DRC1: variants seen among roughly 807,000 people sequenced by gnomAD.
DRC1 encodes dynein regulatory complex subunit 1, also known as dynein regulatory complex protein 1.
In DRC1, 74 loss-of-function variants were observed where a neutral mutation model predicts 98.7. That is an observed-to-expected ratio of 0.75 (90% CI 0.62 to 0.91). The LOEUF is 0.91. Among genes scored for constraint, DRC1 ranks in the 40% least tolerant of loss-of-function variants. DRC1 has a pLI of 0.00. For missense variants in DRC1, 875 were observed against 886.0 expected (o/e 0.99, Z 0.16); for synonymous variants, 336 against 334.1 (o/e 1.01, Z -0.06).
intron 1 of DRC1, among the ~76,000 whole-genome samples, chr2:26,403,933 C>G (rs992227767): frequency 1.3e-5 from 2 of 150,932 alleles, no homozygotes; most frequent in African/African-American, 4.9e-5. Context: ...AACCCTGTCT[C>G]TATTAAAAAT....
rs763415203 is a variant in DRC1 at position 26,450,055 on chromosome 2, C to G, written c.1569C>G (p.Cys523Trp). ...SLLLPLEQNECYLLRLDAIFS... is the reference protein window; with the variant it reads ...SLLLPLEQNEWYLLRLDAIFS... ...TCCTGCCCCTGGAGCAGAATGAATG[C>G]TATCTGCTGAGGCTGGATGCCATCT... Residue 523 changes from cysteine to tryptophan, a missense_variant, in exon 12 of 17, where the codon TGC (cysteine) becomes TGG (tryptophan). Transcript: ENST00000288710. 6.2e-6 allele frequency: 10 copies of G among 1,613,732 alleles called. No individual in the cohort carries two copies. The highest frequency in any genetic ancestry group is 8.5e-6 in the Non-Finnish European group (10 of 1,179,926).
At chr2:26,418,557 T>A (rs1335233382) in intron 2 of DRC1, among the ~76,000 whole-genome samples, 25 of 94,904 alleles carry the variant, frequency 2.6e-4, no homozygotes, top group Middle Eastern at 4.6e-3. Flanking sequence ...TTATATATAA[T>A]TTATATATAA....
At chr2:26,440,663 T>G in intron 8 of DRC1, 146 bp downstream of exon 8, 1 of 1,082,358 alleles carries the variant, frequency 9.2e-7, no homozygotes, top group Non-Finnish European at 1.2e-6. Context: ...AGTTAATACA[T>G]TCAATCTCTC....
chr2:26,444,408 G>A (rs1663798202), intron 9 of DRC1, 52 bp downstream of exon 9: 3 of 1,585,782 alleles, frequency 1.9e-6, no homozygotes, highest in Admixed American at 3.8e-5. Flanking sequence ...GAGGTGACGG[G>A]GATGGAGTTT....
chr2:26,406,323 G>A (rs867000662), intron 1 of DRC1, among the ~76,000 whole-genome samples: 2 of 152,158 alleles, frequency 1.3e-5, no homozygotes, highest in Non-Finnish European at 2.9e-5. Flanking sequence ...CCCACCCCTC[G>A]GTTGCCTGTG....
intron 1 of DRC1, among the ~76,000 whole-genome samples, chr2:26,408,176 A>G (rs1678483822): frequency 6.6e-6 from 1 of 152,218 alleles, no homozygotes; most frequent in Non-Finnish European, 1.5e-5. Context: ...AAATAAGGAC[A>G]ACCGATTGGA....
intron 10 of DRC1, among the ~76,000 whole-genome samples, chr2:26,446,738 G>A (rs1663861915): frequency 6.6e-6 from 1 of 152,110 alleles, no homozygotes; most frequent in African/African-American, 2.4e-5. Flanking sequence ...ACTGTTTTAT[G>A]GTTCCTTTTA....
chr2:26,403,839 G>T (rs1261325584), intron 1 of DRC1, among the ~76,000 whole-genome samples: 1 of 149,186 alleles, frequency 6.7e-6, no homozygotes, highest in African/African-American at 2.5e-5. Context: ...AGTGGCTCAT[G>T]CCTGTAATCC....
intron 8 of DRC1, among the ~76,000 whole-genome samples, chr2:26,441,486 A>G (rs1252656941): frequency 1.3e-5 from 2 of 152,138 alleles, no homozygotes; most frequent in East Asian, 3.8e-4. Flanking sequence ...TTCCCACTAT[A>G]TATGCACCGT....
chr2:26,404,138 G>A (rs557299853), intron 1 of DRC1, among the ~76,000 whole-genome samples: 3 of 152,174 alleles, frequency 2.0e-5, no homozygotes, highest in South Asian at 2.1e-4. Flanking sequence ...TTGCCTGGAA[G>A]CCATACAAAA....
Position 26,448,693 on chromosome 2 carries a change from G to C in DRC1, c.1399G>C (p.Glu467Gln), listed in dbSNP as rs149007147. The C allele has an allele frequency of 3.0e-4, 482 of 1,613,996 alleles. No homozygotes were observed. The highest frequency in any genetic ancestry group is 3.6e-4 in the Non-Finnish European group (429 of 1,179,938). ...TCCTCCCCATGACCCAACTGCAGAA[G>C]AGGAGGAGGCAGAAGAGGCCGCCGC... The part of the protein sequence containing the change: ...IVEEMLMRSE[E>Q]EEAEEAAAEP... The change falls in exon 11 of 17, where the codon GAG (glutamate) becomes CAG (glutamine). Residue 467 changes from glutamate (E) to glutamine (Q), a missense_variant and splice_region_variant. Transcript: ENST00000288710.
rs75261398 is a variant in DRC1, at chr2:26,439,198, C to G, written c.889-1180C>G. On this transcript the variant is annotated intron_variant, in intron 7 of 16. Transcript: ENST00000288710. ...TTGCCTCATATATGCTATTTCCTCT[C>G]TCTAGAGCGCTCTCCCTTCAGGTGG... 1.8e-4 allele frequency among the ~76,000 whole-genome samples: 28 copies of G among 152,238 alleles called. 1 individual carries two copies. The East Asian group carries it at 5.2e-3, about 28-fold the overall frequency.
chr2:26,402,210 T>C (rs988456066), intron 1 of DRC1, 66 bp downstream of exon 1: 61 of 1,479,446 alleles, frequency 4.1e-5, no homozygotes, highest in Non-Finnish European at 5.2e-5. Flanking sequence ...GGTTTCCTGA[T>C]GAAATAGAAA....
chr2:26,430,816 C>T lies in DRC1; in HGVS notation c.709C>T (p.Leu237=). The T allele has an allele frequency of 6.2e-7, 1 of 1,614,170 alleles. No individual in the cohort carries two copies. Among genetic ancestry groups the T allele is most frequent in the Non-Finnish European group, 8.5e-7 (1 of 1,180,030 alleles). ...ATTTGAGGTGGAACGCCAAGAGCTA[C>T]TGGCCAGTAATAAGAAGAAATGGGA... is the stretch of plus-strand genomic sequence containing the variant. ...KAFEVERQEL[L]ASNKKKWEQA... is the part of the protein sequence containing the mutation. Residue 237 remains leucine, a synonymous_variant, in exon 6 of 17, where the codon CTG becomes TTG. Transcript: ENST00000288710.
chr2:26,453,143 TC>T (rs1300551289), intron 13 of DRC1, among the ~76,000 whole-genome samples, 176 bp from the exon 14 acceptor site: 3 of 152,172 alleles, frequency 2.0e-5, no homozygotes, highest in Non-Finnish European at 4.4e-5. Context: ...CTAGTGCCTC[TC>T]CCCATCCCAT....
At chr2:26,455,312 G>C in intron 16 of DRC1, 79 bp downstream of exon 16, 2 of 1,352,442 alleles carry the variant, frequency 1.5e-6, no homozygotes, top group African/African-American at 1.4e-5. Context: ...ATTAGGGAAC[G>C]AGGAGTCCCC....
chr2:26,409,002 A>G (rs1006115349), intron 1 of DRC1, among the ~76,000 whole-genome samples: 8 of 151,984 alleles, frequency 5.3e-5, no homozygotes, highest in Admixed American at 4.6e-4. Flanking sequence ...GTTTGATCAT[A>G]GCTTAGTATA....
chr2:26,412,847 G>A (rs1340337297), intron 1 of DRC1, among the ~76,000 whole-genome samples: 1 of 151,936 alleles, frequency 6.6e-6, no homozygotes, highest in Non-Finnish European at 1.5e-5. Context: ...GCGCTATCTC[G>A]GCTCGGCTCA....
intron 14 of DRC1, 65 bp downstream of exon 14, chr2:26,453,614 C>G (rs1431134614): frequency 2.0e-6 from 3 of 1,475,554 alleles, no homozygotes; most frequent in Non-Finnish European, 2.8e-6. Context: ...GGCTGGGGAG[C>G]CAGGCAGAGC....
Sources: allele counts gnomAD v4.1 joint callset (sites outside exome capture counted in the v4.1 genomes callset), GRCh38; gene constraint gnomAD v4.1.1; transcripts MANE v1.5; gene names NCBI Gene and HGNC (gene_info 2026-07-23, HGNC 2026-07-21).